The following HNRNPH1 variants were observed in gnomAD, a reference collection of about 807,000 sequenced individuals.
HNRNPH1 encodes heterogeneous nuclear ribonucleoprotein H.
HNRNPH1 carries 4 observed loss-of-function variants against 58.6 expected under a neutral mutation model. That is an observed-to-expected ratio of 0.07 (90% CI 0.03 to 0.16). HNRNPH1 has a LOEUF of 0.16. HNRNPH1 is among the 10% of genes least tolerant of loss of function. HNRNPH1 has a pLI of 1.00. For synonymous variants in HNRNPH1, 192 were observed against 189.2 expected (o/e 1.01, Z -0.12); for missense variants, 271 against 564.2 (o/e 0.48, Z 5.26).
At chr5:179,626,455 T>C (rs1223310349), upstream of HNRNPH1, among the ~76,000 whole-genome samples, 1 of 149,368 alleles carries the variant, frequency 6.7e-6, no homozygotes, top group Non-Finnish European at 1.5e-5. Context: ...GTGGGGCTCA[T>C]GCCTGTAATC....
chr5:179,619,440 G>A, intron 3 of HNRNPH1, 33 bp from the exon 5 acceptor site: 1 of 1,577,484 alleles, frequency 6.3e-7, no homozygotes, highest in Non-Finnish European at 8.6e-7. Flanking sequence ...CCCAGTAGGG[G>A]GGCAATATTA....
chr5:179,632,372 C>T (rs1160680659), intron 2 of HNRNPH1, among the ~76,000 whole-genome samples: 2 of 152,238 alleles, frequency 1.3e-5, no homozygotes, highest in South Asian at 4.1e-4. Context: ...GGTAGCACCC[C>T]CTCCCCCGCC....
At chr5:179,628,416 T>C (rs1774555534), upstream of HNRNPH1, among the ~76,000 whole-genome samples, 1 of 152,166 alleles carries the variant, frequency 6.6e-6, no homozygotes, top group South Asian at 2.1e-4. Flanking sequence ...TGCAATGGCA[T>C]GATCTCGGCT....
chr5:179,620,600 T>C (rs940131457), intron 3 of HNRNPH1: 1 of 311,656 alleles, frequency 3.2e-6, no homozygotes, highest in Non-Finnish European at 6.1e-6. Context: ...TTGAGGTACT[T>C]AGCTGGACAC....
chr5:179,616,088 C>T (rs549903821), intron 11 of HNRNPH1, 38 bp downstream of exon 12: 1 of 1,508,748 alleles, frequency 6.6e-7, no homozygotes, highest in South Asian at 1.1e-5. Context: ...CAGGCTTTAC[C>T]ATAACTTACT....
chr5:179,621,794 C>A (rs1359151396), intron 1 of HNRNPH1: 3 of 375,968 alleles, frequency 8.0e-6, no homozygotes. Context: ...TTACCAGTAG[C>A]CACATTACGG....
At chr5:179,614,347 TAAAA>T (rs36119714) in exon 13 of HNRNPH1, 1 of 143,984 alleles carries the variant, frequency 6.9e-6, no homozygotes, top group African/African-American at 2.6e-5. Context: ...CCCATTAACT[TAAAA>T]AAAAAAAAAG....
At chr5:179,625,450 C>A (rs1225612728), upstream of HNRNPH1, among the ~76,000 whole-genome samples, 2 of 150,600 alleles carry the variant, frequency 1.3e-5, no homozygotes, top group Non-Finnish European at 2.9e-5. Flanking sequence ...TGAGATCACA[C>A]CACTGCCCTC....
chr5:179,627,921 C>A (rs201060096), upstream of HNRNPH1, among the ~76,000 whole-genome samples: 91 of 126,590 alleles, frequency 7.2e-4, no homozygotes, highest in South Asian at 9.4e-4. Flanking sequence ...GATTCCATTG[C>A]AAAAAAAAAA....
intron 1 of HNRNPH1, 99 bp downstream of exon 2, chr5:179,622,938 G>GCCCGC (rs1258884257): frequency 2.0e-5 from 1 of 50,730 alleles, no homozygotes; most frequent in African/African-American, 8.1e-5. Context: ...GCCCGGCCCG[G>GCCCGC]CCCGGCCCGC....
At chr5:179,621,810 C>CAA in intron 1 of HNRNPH1, 5 of 380,294 alleles carry the variant, frequency 1.3e-5, no homozygotes, top group Non-Finnish European at 2.6e-5. Flanking sequence ...TACGGTTTCT[C>CAA]ATTCAAATTC....
Position 179,616,341 on chromosome 5 carries a change from C to T in HNRNPH1, c.1208-123G>A. The T allele has an allele frequency of 3.9e-6, 3 of 770,686 alleles. No homozygotes were observed. In the South Asian group the frequency reaches 4.5e-5, roughly 12 times the overall value. 47.7% of individuals were successfully genotyped at this position (770,686 alleles called of 1,614,324 possible). On this transcript the variant is annotated intron_variant, in intron 10 of 12. Transcript: ENST00000356731. ...GATCTTACATTACTGTAACCCTCTG[C>T]CTCCTTCTGCCTACTGTCTATAACC...
At chr5:179,617,193 C>G (rs1006665379) in intron 8 of HNRNPH1, 83 bp from the exon 10 acceptor site, 2 of 1,352,248 alleles carry the variant, frequency 1.5e-6, no homozygotes, top group Non-Finnish European at 2.1e-6. Flanking sequence ...TTTAAACAAG[C>G]AGATCTGTGA....
At chr5:179,633,380 C>G (rs867798365) in intron 2 of HNRNPH1, among the ~76,000 whole-genome samples, 11 of 151,730 alleles carry the variant, frequency 7.2e-5, no homozygotes, top group Admixed American at 7.2e-4. Context: ...ACTGCAAGCT[C>G]CGCCTCCCGG....
exon 1 of HNRNPH1, chr5:179,624,514 T>C (rs1774156763): frequency 2.5e-6 from 1 of 398,766 alleles, no homozygotes; most frequent in Non-Finnish European, 4.4e-6. Flanking sequence ...CGCGCCGGCC[T>C]CTGCGCTCGG....
At chr5:179,614,698 C>T (rs1200602692) in exon 13 of HNRNPH1, 1 of 571,482 alleles carries the variant, frequency 1.7e-6, no homozygotes, top group Non-Finnish European at 3.1e-6. Context: ...GGCCTTAAGT[C>T]TTCATAACAA....
intron 2 of HNRNPH1, among the ~76,000 whole-genome samples, chr5:179,633,520 G>C (rs1562376551): frequency 1.5e-5 from 2 of 136,338 alleles, no homozygotes; most frequent in Non-Finnish European, 3.1e-5. Flanking sequence ...CACCGTGTCA[G>C]CCGGGATGGT....
intron 2 of HNRNPH1, among the ~76,000 whole-genome samples, chr5:179,631,040 A>G (rs1349850466): frequency 6.6e-6 from 1 of 152,190 alleles, no homozygotes; most frequent in Admixed American, 6.6e-5. Context: ...TCATGGCAGC[A>G]TGAAATAGGG....
At chr5:179,626,752 T>G (rs1442713945), upstream of HNRNPH1, among the ~76,000 whole-genome samples, 1 of 147,686 alleles carries the variant, frequency 6.8e-6, no homozygotes, top group African/African-American at 2.5e-5. Context: ...CTTGCCTCAG[T>G]GGTCTTTATG....
Sources: gnomAD v4.1 joint callset for allele counts (sites outside exome capture counted in the v4.1 genomes callset) on GRCh38, gnomAD v4.1.1 for gene constraint, MANE v1.5 for transcripts, NCBI Gene and HGNC (gene_info 2026-07-23, HGNC 2026-07-21) for gene names.